ZDHHC8: variants seen among roughly 807,000 people sequenced by gnomAD.
ZDHHC8 encodes palmitoyltransferase ZDHHC8.
ZDHHC8 carries 24 observed loss-of-function variants against 61.2 expected under a neutral mutation model. The observed-to-expected ratio is 0.39, with a 90% CI of 0.28 to 0.55. The LOEUF (loss-of-function observed/expected upper bound fraction) is 0.55, where lower values mean the gene tolerates loss of function less well. Among genes scored for constraint, ZDHHC8 ranks in the 20% least tolerant of loss-of-function variants. The pLI, the probability that ZDHHC8 is intolerant of heterozygous loss-of-function variation, is 0.60. For missense variants in ZDHHC8, 935 were observed against 1,102.1 expected, an observed-to-expected ratio of 0.85 and a Z score of 2.15; for synonymous variants, 523 against 492.5, an observed-to-expected ratio of 1.06 and a Z score of -0.82.
At chr22:20,140,239 G>C in intron 5 of ZDHHC8, 22 bp downstream of exon 5, 2 of 1,606,456 alleles carry the variant, frequency 1.2e-6, no homozygotes, top group South Asian at 2.2e-5. Context: ...ATGGGGGATG[G>C]GTGGCCCCAA....
chr22:20,145,523 C>T lies in ZDHHC8; in HGVS notation c.*123C>T, dbSNP rs1474127119. 45 of 1,313,308 alleles carry T rather than the reference C, an allele frequency of 3.4e-5. No homozygotes were observed. The highest frequency in any genetic ancestry group is 1.2e-4 in the East Asian group (4 of 32,128). The allele number at this position is 1,313,308 out of a possible 1,614,324, so 81.4% of individuals were successfully genotyped here. A position where few individuals can be genotyped will look rare whatever the true frequency, so the allele number is the denominator to read the frequency against. The stretch of plus-strand genomic sequence containing the variant: ...CCACCCCAGCCTGGTGTGGACCCAT[C>T]GGCGGGAGAGAGTGCCACGCCTCCA... On this transcript the variant is annotated 3_prime_UTR_variant, in exon 11 of 11. Coordinates refer to ENST00000334554, the MANE Select transcript of ZDHHC8 (RefSeq NM_013373.4).
rs1399041462 is a variant in ZDHHC8 at position 20,139,166 on chromosome 22, C to T, written c.105-28C>T. On this transcript the variant is annotated intron_variant, in intron 1 of 10. Transcript: ENST00000334554. ...GCATCCGCTCTGCACCCCCAGACTCCACTCTCTGCCCCCACTGTCTACTGC... is the reference window on the plus strand; with the variant it reads ...GCATCCGCTCTGCACCCCCAGACTCTACTCTCTGCCCCCACTGTCTACTGC... The T allele has an allele frequency of 6.2e-6, 10 of 1,606,102 alleles. No homozygotes were observed. In the South Asian group the frequency reaches 6.7e-5, roughly 11 times the overall value.
At chr22:20,145,150 C>T (rs1233498676) in intron 10 of ZDHHC8, 79 bp from the exon 11 acceptor site, 2 of 1,295,380 alleles carry the variant, frequency 1.5e-6, no homozygotes, top group Non-Finnish European at 2.0e-6. Flanking sequence ...TCGTCTCTGT[C>T]TTGCTGCCTC....
chr22:20,147,408 C>T lies in ZDHHC8; in HGVS notation c.*2008C>T. The stretch of plus-strand genomic sequence containing the variant: ...CTGAGACCCTGTGTCCACATGACCT[C>T]AGGGAGTCCCCCACCTGCTGCAGGG... On this transcript the variant is annotated 3_prime_UTR_variant, in exon 11 of 11. Coordinates refer to ENST00000334554, the MANE Select transcript of ZDHHC8 (RefSeq NM_013373.4). 1 of 609,524 alleles carries T rather than the reference C, an allele frequency of 1.6e-6. No individual in the cohort carries two copies. Among genetic ancestry groups the T allele is most frequent in the East Asian group, 3.4e-5 (1 of 29,002 alleles). The allele number at this position is 609,524 out of a possible 1,614,324, so 37.8% of individuals were successfully genotyped here. A position where few individuals can be genotyped will look rare whatever the true frequency, so the allele number is the denominator to read the frequency against.
In ZDHHC8 at chr22:20,131,872, C is replaced by A; in HGVS notation, c.-76C>A. 1 of 406,588 alleles carries A rather than the reference C, an allele frequency of 2.5e-6. No individual in the cohort carries two copies. The highest frequency in any genetic ancestry group is 3.3e-6 in the Non-Finnish European group (1 of 302,908). The allele number at this position is 406,588 out of a possible 1,614,324, so 25.2% of individuals were successfully genotyped here. On this transcript the variant is annotated 5_prime_UTR_variant, in exon 1 of 11. Coordinates refer to ENST00000334554, the MANE Select transcript of ZDHHC8 (RefSeq NM_013373.4). ...GGTCCTGCGCCGCGTCCAGCCCGCC[C>A]GCCCGACCCCGGCCCGACCCCGGCC...
intron 1 of ZDHHC8, among the ~76,000 whole-genome samples, chr22:20,133,653 C>T (rs558825650): frequency 1.3e-4 from 20 of 149,722 alleles, no homozygotes; most frequent in Non-Finnish European, 2.1e-4. Context: ...CACTTGAACC[C>T]GTAAGGCGGA....
intron 5 of ZDHHC8, 22 bp from the exon 6 acceptor site, chr22:20,140,595 G>C (rs1011137677): frequency 3.8e-6 from 6 of 1,582,020 alleles, no homozygotes; most frequent in African/African-American, 2.7e-5. Context: ...GGCCAGGCTG[G>C]CTGAGGGTCC....
intron 10 of ZDHHC8, 52 bp downstream of exon 10, chr22:20,143,808 C>T (rs2050498223): frequency 1.9e-6 from 3 of 1,547,030 alleles, no homozygotes; most frequent in East Asian, 2.3e-5. Context: ...AGCTGTCCAG[C>T]CGTCTCCAGG....
chr22:20,139,920 GCAGAGGCGATGTGGACCGGGGA>G lies in ZDHHC8; in HGVS notation c.557+31_557+52del, dbSNP rs544767808. On this transcript the variant is annotated intron_variant, in intron 4 of 10. Transcript: ENST00000334554. ...ATCCTTGGTTCCTGTGGGCCTCATT[GCAGAGGCGATGTGGACCGGGGA>G]CACGTTCACCAGGGAGATTGAGCCT... 4.4e-4 allele frequency: 707 copies of G among 1,595,348 alleles called. 9 individuals are homozygous for G. In the South Asian group the frequency reaches 7.3e-3, roughly 16 times the overall value.
chr22:20,140,179 G>A lies in ZDHHC8; in HGVS notation c.622G>A (p.Val208Met), dbSNP rs1447257063. 6.2e-7 allele frequency: 1 copy of A among 1,613,428 alleles called. No homozygotes were observed. The highest frequency in any genetic ancestry group is 1.1e-5 in the South Asian group (1 of 91,084). Residue 208 changes from valine (V) to methionine (M), a missense_variant, in exon 5 of 11, where the codon GTG becomes ATG. Val to Met is a conservative substitution (Grantham distance 21). Transcript: ENST00000334554. ...TGTCATTGGCCTCACTGGCTTCCAT[G>A]TGGTGCTGGTCACTCGGGGGCGCAC... ...IPVIGLTGFH[V>M]VLVTRGRTTN...
intron 2 of ZDHHC8, 40 bp downstream of exon 2, chr22:20,139,355 A>G: frequency 6.2e-6 from 10 of 1,608,244 alleles, no homozygotes; most frequent in South Asian, 4.4e-5. Context: ...CACTTTCACT[A>G]GAGTGTGAGT....
chr22:20,146,902 G>A lies in ZDHHC8; in HGVS notation c.*1502G>A, dbSNP rs905730438. 1 of 1,328,378 alleles carries A rather than the reference G, an allele frequency of 7.5e-7. No homozygotes were observed. The highest frequency in any genetic ancestry group is 9.6e-7 in the Non-Finnish European group (1 of 1,043,242). 82.3% of individuals were successfully genotyped at this position (1,328,378 alleles called of 1,614,324 possible). On this transcript the variant is annotated 3_prime_UTR_variant, in exon 11 of 11. Transcript: ENST00000334554. ...GAGGGAGTGTGAGGGATGCACAGCT[G>A]TTCAGGGCTGAGACATTCTGGGCTG... is the stretch of plus-strand genomic sequence containing the variant.
chr22:20,145,318 G>A lies in ZDHHC8; in HGVS notation c.2216G>A (p.Gly739Glu), dbSNP rs147831429. The change falls in exon 11 of 11, where the codon GGG becomes GAG. Residue 739 changes from glycine to glutamate, a missense_variant. Physicochemically the swap from Gly to Glu is moderately conservative, Grantham distance 98. Transcript: ENST00000334554. The stretch of plus-strand genomic sequence containing the variant: ...CTGGGACCTGCCACCGGCCCCCCAG[G>A]GCCCTCTGCCAGCCCTACACGGCAC... The part of the protein sequence containing the change: ...ARLGPATGPP[G>E]PSASPTRHTL... 2.5e-5 allele frequency: 40 copies of A among 1,597,900 alleles called. No individual in the cohort carries two copies. The highest frequency in any genetic ancestry group is 8.1e-5 in the African/African-American group (6 of 74,048).
rs1365452331 is a variant in ZDHHC8 at position 20,146,443 on chromosome 22, AG to A, written c.*1044del. ...TATATCTATAATTTTATTAAAAAAAAGAAAAAGAGTTATTTTGATTCTTTCC... is the reference window on the plus strand; with the variant it reads ...TATATCTATAATTTTATTAAAAAAAAAAAAAGAGTTATTTTGATTCTTTCC... On this transcript the variant is annotated 3_prime_UTR_variant, in exon 11 of 11. Transcript: ENST00000334554. The A allele has an allele frequency of 1.0e-6, 1 of 985,412 alleles. No individual in the cohort carries two copies. 61.0% of individuals were successfully genotyped at this position (985,412 alleles called of 1,614,324 possible).
rs2050494415 is a variant in ZDHHC8 at position 20,143,521 on chromosome 22, C to A, written c.1891C>A (p.Leu631Met). The change falls in exon 10 of 11, where the codon CTG becomes ATG. Residue 631 changes from leucine (L) to methionine (M), a missense_variant. Leu to Met is a conservative substitution (Grantham distance 15). Transcript: ENST00000334554. ...NPALQTSLSS[L>M]SSSVSRAPRT... The stretch of plus-strand genomic sequence containing the variant: ...TGCCCTGCAGACGTCACTGTCCTCG[C>A]TGTCCAGCTCCGTGAGCCGTGCACC... 3 of 1,599,496 alleles carry A rather than the reference C, an allele frequency of 1.9e-6. No homozygotes were observed. The highest frequency in any genetic ancestry group is 2.5e-6 in the Non-Finnish European group (3 of 1,177,952).
At position 20,143,249 on chromosome 22, in the gene ZDHHC8, G is replaced by C. The variant is rs770824457; in HGVS notation, c.1619G>C (p.Arg540Pro). 4 of 1,606,214 alleles carry C rather than the reference G, an allele frequency of 2.5e-6. No individual in the cohort carries two copies. In the African/African-American group the frequency reaches 5.3e-5, roughly 21 times the overall value. Residue 540 changes from arginine (R) to proline (P), a missense_variant, in exon 10 of 11, where the codon CGC becomes CCC. Physicochemically the swap from Arg to Pro is moderately radical, Grantham distance 103 (BLOSUM62 -2). This residue lies in a region of ZDHHC8 where 692 missense variants were observed against 731.4 expected (regional missense o/e 0.95). Coordinates refer to ENST00000334554, the MANE Select transcript of ZDHHC8 (RefSeq NM_013373.4). ...CGCCCCCGGGAGCCCTCGCCTGTGC[G>C]CTACGACAACCTGTCCAGGACCATC... ...GPRPREPSPVRYDNLSRTIMA... is the reference protein window; with the variant it reads ...GPRPREPSPVPYDNLSRTIMA...
At position 20,147,334 on chromosome 22, in the gene ZDHHC8, C is replaced by A. The variant is rs2050537487; in HGVS notation, c.*1934C>A. On this transcript the variant is annotated 3_prime_UTR_variant, in exon 11 of 11. Transcript: ENST00000334554. Reference sequence around the variant, plus strand: ...GGGGCAGGGCTGGGGGTGGGCTGGGCTCTCTGCTCCACCAGCCACAGCTTG... The same window carrying A: ...GGGGCAGGGCTGGGGGTGGGCTGGGATCTCTGCTCCACCAGCCACAGCTTG... The A allele has an allele frequency of 4.3e-6, 5 of 1,163,446 alleles. No individual in the cohort carries two copies. Among genetic ancestry groups the A allele is most frequent in the Non-Finnish European group, 5.7e-6 (5 of 870,850 alleles). 72.1% of individuals were successfully genotyped at this position (1,163,446 alleles called of 1,614,324 possible).
At position 20,139,839 on chromosome 22, in the gene ZDHHC8, G is replaced by T. The variant is rs2050452308; in HGVS notation, c.504G>T (p.Leu168=). The T allele has an allele frequency of 6.2e-7, 1 of 1,612,718 alleles. No homozygotes were observed. Among genetic ancestry groups the T allele is most frequent in the Non-Finnish European group, 8.5e-7 (1 of 1,179,996 alleles). The change falls in exon 4 of 11, where the codon CTG becomes CTT. Residue 168 remains leucine, a synonymous_variant. Coordinates refer to ENST00000334554, the MANE Select transcript of ZDHHC8 (RefSeq NM_013373.4). ...TGGTGGGCGTCGTGGCCTTCGGCCTGGTCTACGTGCTGAACCACGCTGAGG... is the reference window on the plus strand; with the variant it reads ...TGGTGGGCGTCGTGGCCTTCGGCCTTGTCTACGTGCTGAACCACGCTGAGG... The part of the protein sequence containing the change: ...AHMVGVVAFG[L]VYVLNHAEGL...
At chr22:20,138,856 G>A (rs2050442808) in intron 1 of ZDHHC8, among the ~76,000 whole-genome samples, 2 of 152,264 alleles carry the variant, frequency 1.3e-5, no homozygotes, top group African/African-American at 2.4e-5. Flanking sequence ...CCTCCAGCCT[G>A]TGTACCGCCC....
Sources: gnomAD v4.1 joint callset for allele counts (sites outside exome capture counted in the v4.1 genomes callset) on GRCh38, gnomAD v4.1.1 for gene constraint, gnomAD v4.1.1 regional missense constraint, MANE v1.5 for transcripts, NCBI Gene and HGNC (gene_info 2026-07-23, HGNC 2026-07-21) for gene names.